Variants in CCDC91 observed in about 807,000 individuals in gnomAD.
CCDC91 encodes coiled-coil domain-containing protein 91.
In CCDC91, 48 loss-of-function variants were observed where a neutral mutation model predicts 63.2. The observed-to-expected ratio is 0.76, with a 90% CI of 0.60 to 0.97. The LOEUF (loss-of-function observed/expected upper bound fraction) is 0.97. Among genes scored for constraint, CCDC91 ranks in the 50% least tolerant of loss-of-function variants. The pLI, the probability that CCDC91 is intolerant of heterozygous loss-of-function variation, is 0.00. For missense variants in CCDC91, 500 were observed against 494.6 expected (o/e 1.01, Z -0.10); for synonymous variants, 167 against 165.8 (o/e 1.01, Z -0.06).
intron 1 of CCDC91, among the ~76,000 whole-genome samples, chr12:28,200,751 G>T (rs1057234333): frequency 9.3e-5 from 14 of 151,122 alleles, no homozygotes; most frequent in Non-Finnish European, 1.9e-4. Context: ...CCACAAAACC[G>T]CCATTGTCAT....
chr12:28,329,308 G>A (rs970164066), intron 6 of CCDC91, among the ~76,000 whole-genome samples: 1 of 152,052 alleles, frequency 6.6e-6, no homozygotes, highest in Non-Finnish European at 1.5e-5. Flanking sequence ...TAGAGAGCTT[G>A]TTTATAATAT....
At chr12:28,425,208 T>C (rs1383662282) in intron 8 of CCDC91, among the ~76,000 whole-genome samples, 1 of 152,204 alleles carries the variant, frequency 6.6e-6, no homozygotes, top group Non-Finnish European at 1.5e-5. Context: ...TGGCTAGCTA[T>C]GCTCTTCATG....
intron 11 of CCDC91, among the ~76,000 whole-genome samples, chr12:28,473,579 A>T (rs1194007442): frequency 6.6e-6 from 1 of 152,076 alleles, no homozygotes; most frequent in Non-Finnish European, 1.5e-5. Context: ...AGTGTTTCTC[A>T]CCTTTTTTGA....
At chr12:28,337,306 A>G (rs995430987) in intron 6 of CCDC91, among the ~76,000 whole-genome samples, 24 of 152,160 alleles carry the variant, frequency 1.6e-4, no homozygotes, top group African/African-American at 5.3e-4. Context: ...AATGTGATTG[A>G]ATTCATACTG....
chr12:28,459,576 G>C (rs957399128), intron 11 of CCDC91, among the ~76,000 whole-genome samples: 1 of 152,188 alleles, frequency 6.6e-6, no homozygotes, highest in Non-Finnish European at 1.5e-5. Flanking sequence ...TCATCACACT[G>C]TCAGTTGGAT....
At chr12:28,390,994 T>C (rs1248874089) in intron 7 of CCDC91, among the ~76,000 whole-genome samples, 1 of 150,230 alleles carries the variant, frequency 6.7e-6, no homozygotes, top group African/African-American at 2.4e-5. Flanking sequence ...TGGTCTTCAC[T>C]GAACCAAATT....
At chr12:28,200,491 C>A (rs566489239) in intron 1 of CCDC91, among the ~76,000 whole-genome samples, 5 of 115,776 alleles carry the variant, frequency 4.3e-5, no homozygotes, top group Non-Finnish European at 8.2e-5. Context: ...TGACTCTTAA[C>A]GAGCATGCTG....
chr12:28,260,020 A>G (rs2136204050), intron 3 of CCDC91, among the ~76,000 whole-genome samples: 1 of 152,086 alleles, frequency 6.6e-6, no homozygotes, highest in East Asian at 1.9e-4. Flanking sequence ...TATTTTCTTC[A>G]ACAGCTCTGC....
At chr12:28,265,922 A>G (rs1947155156) in intron 3 of CCDC91, among the ~76,000 whole-genome samples, 1 of 152,044 alleles carries the variant, frequency 6.6e-6, no homozygotes, top group South Asian at 2.1e-4. Context: ...TCAGGACATA[A>G]ACCAGATTTC....
chr12:28,512,259 C>G (rs1171354931), intron 12 of CCDC91, among the ~76,000 whole-genome samples: 3 of 151,922 alleles, frequency 2.0e-5, no homozygotes, highest in Middle Eastern at 3.4e-3. Context: ...ATCAATATTA[C>G]TTTTTCATCA....
intron 12 of CCDC91, among the ~76,000 whole-genome samples, chr12:28,542,387 T>C (rs984254184): frequency 3.9e-5 from 6 of 152,102 alleles, no homozygotes; most frequent in Admixed American, 2.0e-4. Context: ...TTGTGCATGC[T>C]GGGAAGTTAC....
chr12:28,236,982 A>T (rs1565652133), intron 1 of CCDC91, among the ~76,000 whole-genome samples: 1 of 152,048 alleles, frequency 6.6e-6, no homozygotes, highest in African/African-American at 2.4e-5. Flanking sequence ...TTATTTGAAT[A>T]TAGTAGGGAC....
intron 8 of CCDC91, among the ~76,000 whole-genome samples, chr12:28,443,005 T>C (rs1949308021): frequency 6.6e-6 from 1 of 152,048 alleles, no homozygotes; most frequent in Non-Finnish European, 1.5e-5. Context: ...TTTATGTGTC[T>C]GTATATGGAT....
chr12:28,344,530 A>G (rs1375176073), intron 6 of CCDC91, among the ~76,000 whole-genome samples: 1 of 152,148 alleles, frequency 6.6e-6, no homozygotes, highest in Non-Finnish European at 1.5e-5. Context: ...ATCGGCATAT[A>G]TAGTCTTCAC....
At chr12:28,229,531 A>G (rs1944464922) in intron 1 of CCDC91, among the ~76,000 whole-genome samples, 1 of 152,198 alleles carries the variant, frequency 6.6e-6, no homozygotes, top group Non-Finnish European at 1.5e-5. Flanking sequence ...CCATGTAAAC[A>G]TCAGGAGGAA....
chr12:28,447,322 A>G (rs1949551160), intron 8 of CCDC91, among the ~76,000 whole-genome samples: 1 of 152,056 alleles, frequency 6.6e-6, no homozygotes, highest in African/African-American at 2.4e-5. Context: ...TTATATATAA[A>G]TTCATTATAT....
intron 4 of CCDC91, among the ~76,000 whole-genome samples, 182 bp downstream of exon 4, chr12:28,305,988 G>A (rs1442100781): frequency 1.3e-5 from 2 of 151,932 alleles, no homozygotes; most frequent in Non-Finnish European, 2.9e-5. Context: ...TGTTTGTGTC[G>A]TGGCACAATT....
chr12:28,366,835 C>T (rs374331159), intron 7 of CCDC91, among the ~76,000 whole-genome samples: 10 of 152,016 alleles, frequency 6.6e-5, no homozygotes, highest in South Asian at 2.1e-4. Flanking sequence ...TCCTCACAGC[C>T]GGACTGGTAT....
At chr12:28,343,907 T>C (rs1942619514) in intron 6 of CCDC91, among the ~76,000 whole-genome samples, 1 of 152,152 alleles carries the variant, frequency 6.6e-6, no homozygotes, top group African/African-American at 2.4e-5. Flanking sequence ...ATTACTTTTC[T>C]AAGAGTGAGG....
Sources: gnomAD v4.1 joint callset for allele counts (sites outside exome capture counted in the v4.1 genomes callset) on GRCh38, gnomAD v4.1.1 for gene constraint, MANE v1.5 for transcripts, NCBI Gene and HGNC (gene_info 2026-07-23, HGNC 2026-07-21) for gene names.